SLCO1B1: variants seen among roughly 807,000 people sequenced by gnomAD.
The protein encoded by SLCO1B1 is solute carrier organic anion transporter family member 1B1, also known as OATP-2.
Under a neutral mutation model 70.1 loss-of-function variants are expected in SLCO1B1, and 81 were observed. The observed-to-expected ratio is 1.16, with a 90% CI of 0.97 to 1.39. The LOEUF (loss-of-function observed/expected upper bound fraction) is 1.39, where lower values mean the gene tolerates loss of function less well. Ranked by LOEUF, SLCO1B1 falls within the 40% of genes most tolerant of loss-of-function variation. The pLI, the probability that SLCO1B1 is intolerant of heterozygous loss-of-function variation, is 0.00. For missense variants in SLCO1B1, 895 were observed against 799.6 expected, an observed-to-expected ratio of 1.12 and a Z score of -1.44; for synonymous variants, 283 against 271.5, an observed-to-expected ratio of 1.04 and a Z score of -0.42.
intron 7 of SLCO1B1, among the ~76,000 whole-genome samples, chr12:21,188,632 T>C (rs1339582520): frequency 6.6e-6 from 1 of 152,064 alleles, no homozygotes; most frequent in East Asian, 1.9e-4. Context: ...TCCCCCTTGA[T>C]GCTGATCTCA....
chr12:21,133,225 G>A (rs1940167122), intron 1 of SLCO1B1, among the ~76,000 whole-genome samples: 1 of 151,978 alleles, frequency 6.6e-6, no homozygotes, highest in Non-Finnish European at 1.5e-5. Flanking sequence ...ATGCTGTTTT[G>A]GTTACTGTAG....
At position 21,152,533 on chromosome 12, in the gene SLCO1B1, C is replaced by CT. The variant is rs71043250; in HGVS notation, c.84+10893dup. On this transcript the variant is annotated intron_variant, in intron 2 of 14. Coordinates refer to ENST00000256958, the MANE Select transcript of SLCO1B1 (RefSeq NM_006446.5). Reference sequence around the variant, plus strand: ...TTGCTAAGGTGTGGGAGAGGAGAGGCTTTTTTTTTTTTTTTTTTGCCTCTG... The same window carrying CT: ...TTGCTAAGGTGTGGGAGAGGAGAGGCTTTTTTTTTTTTTTTTTTTGCCTCTG... 2.2e-3 allele frequency among the ~76,000 whole-genome samples: 76 copies of CT among 34,346 alleles called. 10 individuals are homozygous for CT. The highest frequency in any genetic ancestry group is 4.3e-3 in the African/African-American group (41 of 9,520). The allele number at this position is 34,346 out of a possible 152,430, so 22.5% of individuals were successfully genotyped here. A position where few individuals can be genotyped will look rare whatever the true frequency, so the allele number is the denominator to read the frequency against.
intron 14 of SLCO1B1, among the ~76,000 whole-genome samples, chr12:21,233,047 A>T (rs907938864): frequency 6.6e-6 from 1 of 152,150 alleles, no homozygotes; most frequent in Non-Finnish European, 1.5e-5. Flanking sequence ...CAAAATACAC[A>T]TAACAAAACA....
chr12:21,203,211 T>G (rs1941177760), intron 10 of SLCO1B1, among the ~76,000 whole-genome samples: 1 of 152,112 alleles, frequency 6.6e-6, no homozygotes, highest in South Asian at 2.1e-4. Context: ...TGAATTTTCT[T>G]TTTTGCAAGC....
At chr12:21,230,635 T>C (rs1941525446) in intron 14 of SLCO1B1, among the ~76,000 whole-genome samples, 1 of 152,092 alleles carries the variant, frequency 6.6e-6, no homozygotes, top group Admixed American at 6.6e-5. Context: ...CAGCCCTCTG[T>C]AGTATTCTTT....
intron 8 of SLCO1B1, among the ~76,000 whole-genome samples, chr12:21,197,927 A>G (rs4149064): frequency 0.13 from 19,923 of 152,150 alleles, 1,893 homozygotes; most frequent in South Asian, 0.31. Context: ...TTGAGAGTCA[A>G]TAAACAAAGA....
At chr12:21,225,235 G>A (rs924710082) in intron 14 of SLCO1B1, among the ~76,000 whole-genome samples, 4 of 151,952 alleles carry the variant, frequency 2.6e-5, no homozygotes, top group African/African-American at 7.3e-5. Context: ...GTGTGTATTC[G>A]ATTGCCTCTG....
chr12:21,144,638 G>GA (rs1050836927), intron 2 of SLCO1B1, among the ~76,000 whole-genome samples: 1 of 152,032 alleles, frequency 6.6e-6, no homozygotes, highest in East Asian at 1.9e-4. Context: ...AAACAAGAAA[G>GA]AAAAAAACCT....
In SLCO1B1 at chr12:21,168,129, A is replaced by G. The variant is rs566633456; in HGVS notation, c.85-4521A>G. On this transcript the variant is annotated intron_variant, in intron 2 of 14. Coordinates refer to ENST00000256958, the MANE Select transcript of SLCO1B1 (RefSeq NM_006446.5). Reference sequence around the variant, plus strand: ...AGCCACTATGCTTGGACTACTTTAAATATTTCATATGATAGAATCATACAG... The same window carrying G: ...AGCCACTATGCTTGGACTACTTTAAGTATTTCATATGATAGAATCATACAG... Among the ~76,000 whole-genome samples the G allele has an allele frequency of 5.3e-5, 8 of 152,072 alleles. No individual in the cohort carries two copies. In the South Asian group the frequency reaches 1.5e-3, roughly 28 times the overall value.
intron 2 of SLCO1B1, among the ~76,000 whole-genome samples, chr12:21,150,462 G>A (rs1009053428): frequency 5.3e-5 from 8 of 152,024 alleles, no homozygotes; most frequent in Non-Finnish European, 1.2e-4. Context: ...GGCATCTGGT[G>A]GGTGCCCCTC....
In SLCO1B1 at chr12:21,202,514, G is replaced by A. The variant is rs775082787; in HGVS notation, c.1159G>A (p.Ala387Thr). The A allele has an allele frequency of 6.9e-6, 11 of 1,598,704 alleles. No individual in the cohort carries two copies. Among genetic ancestry groups the A allele is most frequent in the African/African-American group, 6.8e-5 (5 of 73,310 alleles). ...AGGAGTCATAACCATACCTATTTTT[G>A]CAAGTGGAATGTTTTTAGGAGGATA... Reference protein sequence around the residue: ...LLGVITIPIFASGMFLGGYII... With the variant: ...LLGVITIPIFTSGMFLGGYII... The change falls in exon 10 of 15, where the codon GCA becomes ACA. Residue 387 changes from alanine (A) to threonine (T), a missense_variant. Transcript: ENST00000256958.
chr12:21,147,560 A>G (rs2121051864), intron 2 of SLCO1B1, among the ~76,000 whole-genome samples: 1 of 152,196 alleles, frequency 6.6e-6, no homozygotes, highest in South Asian at 2.1e-4. Flanking sequence ...ATGTTAGTTT[A>G]CTGAGAATGA....
rs527853892 is a variant in SLCO1B1 at position 21,147,923 on chromosome 12, C to G, written c.84+6265C>G. Among the ~76,000 whole-genome samples, 4 of 152,296 alleles carry G rather than the reference C, an allele frequency of 2.6e-5. No homozygotes were observed. The East Asian group carries it at 5.8e-4, about 22-fold the overall frequency. On this transcript the variant is annotated intron_variant, in intron 2 of 14. Coordinates refer to ENST00000256958, the MANE Select transcript of SLCO1B1 (RefSeq NM_006446.5). Reference sequence around the variant, plus strand: ...GCTTCCAACTGGCGTGAGATAGTATCTCATTGCAGTTTTGATTTGCATTCT... The same window carrying G: ...GCTTCCAACTGGCGTGAGATAGTATGTCATTGCAGTTTTGATTTGCATTCT...
chr12:21,213,240 G>A (rs1372359180), intron 11 of SLCO1B1, among the ~76,000 whole-genome samples: 1 of 152,062 alleles, frequency 6.6e-6, no homozygotes, highest in African/African-American at 2.4e-5. Flanking sequence ...TCCTTCAGGA[G>A]CTCTTGTAGG....
chr12:21,209,164 C>T (rs971269754), intron 11 of SLCO1B1, among the ~76,000 whole-genome samples: 1 of 151,904 alleles, frequency 6.6e-6, no homozygotes, highest in African/African-American at 2.4e-5. Flanking sequence ...CCCACTAACT[C>T]GTCATCTAGC....
chr12:21,151,088 G>T (rs1349406184), intron 2 of SLCO1B1, among the ~76,000 whole-genome samples: 1 of 152,202 alleles, frequency 6.6e-6, no homozygotes, highest in Non-Finnish European at 1.5e-5. Context: ...CTAAGCTTAT[G>T]GTATAGGCTA....
chr12:21,142,019 A>G (rs1940316260), intron 2 of SLCO1B1, among the ~76,000 whole-genome samples: 1 of 151,470 alleles, frequency 6.6e-6, no homozygotes. Flanking sequence ...AACTTAGAAT[A>G]TTAATGTCTT....
chr12:21,137,606 C>T (rs772114173), intron 1 of SLCO1B1, among the ~76,000 whole-genome samples: 13 of 152,262 alleles, frequency 8.5e-5, no homozygotes, highest in South Asian at 2.1e-4. Flanking sequence ...TTGCAATGAG[C>T]GAGACTCTGT....
chr12:21,148,381 T>C (rs1382147406), intron 2 of SLCO1B1, among the ~76,000 whole-genome samples: 1 of 152,206 alleles, frequency 6.6e-6, no homozygotes, highest in African/African-American at 2.4e-5. Flanking sequence ...GAGTTAATTT[T>C]TGAATAAGGT....
Sources: allele counts gnomAD v4.1 joint callset (sites outside exome capture counted in the v4.1 genomes callset), GRCh38; gene constraint gnomAD v4.1.1; transcripts MANE v1.5; gene names NCBI Gene and HGNC (gene_info 2026-07-23, HGNC 2026-07-21).